The following MYT1 variants were observed in gnomAD, a reference collection of about 807,000 sequenced individuals.
MYT1 encodes myelin transcription factor 1, also known as myelin transcription factor I.
Under a neutral mutation model 123.0 loss-of-function variants are expected in MYT1, and 23 were observed. The observed-to-expected ratio is 0.19, with a 90% CI of 0.13 to 0.26. MYT1 has a LOEUF of 0.26. Ranked by LOEUF, MYT1 falls within the 10% of genes least tolerant of loss-of-function variation. The pLI, the probability that MYT1 is intolerant of heterozygous loss-of-function variation, is 1.00. For missense variants in MYT1, 1,125 were observed against 1,472.5 expected, an observed-to-expected ratio of 0.76 and a Z score of 3.86; for synonymous variants, 518 against 575.3, an observed-to-expected ratio of 0.90 and a Z score of 1.43.
chr20:64,236,307 G>T (rs1216286003), intron 19 of MYT1, among the ~76,000 whole-genome samples: 1 of 145,862 alleles, frequency 6.9e-6, no homozygotes, highest in South Asian at 2.2e-4. Flanking sequence ...GTGACCCTGG[G>T]ATGGCCGCGG....
At chr20:64,211,409 G>A (rs1983661311) in intron 8 of MYT1, 69 bp downstream of exon 8, 1 of 1,530,942 alleles carries the variant, frequency 6.5e-7, no homozygotes, top group East Asian at 2.3e-5. Context: ...TTTGGGTGGT[G>A]TCTATGGGGA....
chr20:64,239,174 A>G (rs540383910), intron 21 of MYT1, among the ~76,000 whole-genome samples: 1 of 152,336 alleles, frequency 6.6e-6, no homozygotes, highest in African/African-American at 2.4e-5. Context: ...GTTCACCGCC[A>G]TGGTGGGGAA....
At chr20:64,224,453 G>A (rs1014098529) in intron 16 of MYT1, among the ~76,000 whole-genome samples, 2 of 152,190 alleles carry the variant, frequency 1.3e-5, no homozygotes, top group African/African-American at 4.8e-5. Flanking sequence ...GTTCCCCTCT[G>A]GAGGCTGGTC....
rs546954340 is a variant in MYT1 at position 64,193,408 on chromosome 20, C to G, written c.-1+3248C>G. Reference sequence around the variant, plus strand: ...TGGGATACTCGGGAGGGGAGCAACACAAATGCTTGAATGCTGCTCTTAGAT... The same window carrying G: ...TGGGATACTCGGGAGGGGAGCAACAGAAATGCTTGAATGCTGCTCTTAGAT... On this transcript the variant is annotated intron_variant, in intron 2 of 22. Transcript: ENST00000328439. This position sits in a 1 kb window ranked among gnomAD's most constrained non-coding sequence, Gnocchi z 4.0. Among the ~76,000 whole-genome samples, 18 of 152,282 alleles carry G rather than the reference C, an allele frequency of 1.2e-4. No individual in the cohort carries two copies. The highest frequency in any genetic ancestry group is 4.3e-4 in the African/African-American group (18 of 41,568).
chr20:64,219,999 G>C lies in MYT1; in HGVS notation c.2241+17G>C. 6.9e-7 allele frequency: 1 copy of C among 1,451,304 alleles called. No homozygotes were observed. The highest frequency in any genetic ancestry group is 9.1e-7 in the Non-Finnish European group (1 of 1,099,074). 89.9% of individuals were successfully genotyped at this position (1,451,304 alleles called of 1,614,324 possible). ...CCTGAGGAGGTGGGTGCAGGCGCCT[G>C]GGCAAGCAGTCAGGCGGCTGCAGCC... On this transcript the variant is annotated intron_variant, in intron 13 of 22. Coordinates refer to ENST00000328439, the MANE Select transcript of MYT1 (RefSeq NM_004535.3).
In MYT1 at chr20:64,191,940, A is replaced by G. The variant is rs998438241; in HGVS notation, c.-1+1780A>G. The G allele has an allele frequency of 2.0e-5, 3 of 152,222 alleles. No individual in the cohort carries two copies. The highest frequency in any genetic ancestry group is 7.2e-5 in the African/African-American group (3 of 41,448). 9.4% of individuals were successfully genotyped at this position (152,222 alleles called of 1,614,324 possible). A position where few individuals can be genotyped will look rare whatever the true frequency, so the allele number is the denominator to read the frequency against. On this transcript the variant is annotated intron_variant, in intron 2 of 22. Coordinates refer to ENST00000328439, the MANE Select transcript of MYT1 (RefSeq NM_004535.3). The surrounding 1 kb of genome is among the most constrained non-coding windows in gnomAD (Gnocchi z 4.1). ...CCTACCCCAGATCCTGAGGATTCAC[A>G]TAGCGCTGTACTGGCATGAGATCAT...
rs972160714 is a variant in MYT1, at chr20:64,185,192, A to G, written c.-98-4871A>G. ...GTTGGGAAGAGTAGTTCAATATTCCAGAAGAATGGAGGGAAGAGTTGATAT... is the reference window on the plus strand; with the variant it reads ...GTTGGGAAGAGTAGTTCAATATTCCGGAAGAATGGAGGGAAGAGTTGATAT... On this transcript the variant is annotated intron_variant, in intron 1 of 22. Transcript: ENST00000328439. The surrounding 1 kb of genome is among the most constrained non-coding windows in gnomAD (Gnocchi z 4.5). 1.3e-5 allele frequency among the ~76,000 whole-genome samples: 2 copies of G among 152,198 alleles called. No homozygotes were observed. The highest frequency in any genetic ancestry group is 4.8e-5 in the African/African-American group (2 of 41,440).
rs914000519 is a variant in MYT1 at position 64,166,375 on chromosome 20, G to A, written c.-99+1636G>A. Among the ~76,000 whole-genome samples, 6 of 152,108 alleles carry A rather than the reference G, an allele frequency of 3.9e-5. No homozygotes were observed. Among genetic ancestry groups the A allele is most frequent in the African/African-American group, 1.2e-4 (5 of 41,428 alleles). ...ACTGAGACTCCTACAGGGTCCCCCC[G>A]ACCCCCTGGGCACCTGGACGTTTGC... is the stretch of plus-strand genomic sequence containing the variant. On this transcript the variant is annotated intron_variant, in intron 1 of 22. Coordinates refer to ENST00000328439, the MANE Select transcript of MYT1 (RefSeq NM_004535.3). The surrounding 1 kb of genome is among the most constrained non-coding windows in gnomAD (Gnocchi z 4.9).
rs978967927 is a variant in MYT1, at chr20:64,241,436, C to T, written c.*988C>T. The T allele has an allele frequency of 3.3e-5, 5 of 152,498 alleles. No individual in the cohort carries two copies. The highest frequency in any genetic ancestry group is 7.3e-5 in the Non-Finnish European group (5 of 68,038). 9.4% of individuals were successfully genotyped at this position (152,498 alleles called of 1,614,324 possible). ...TGTGTTAAAAACACAATGTCCCTACCGTGTAAATAGAATCCAAGTCAATTG... is the reference window on the plus strand; with the variant it reads ...TGTGTTAAAAACACAATGTCCCTACTGTGTAAATAGAATCCAAGTCAATTG... On this transcript the variant is annotated 3_prime_UTR_variant, in exon 23 of 23. Transcript: ENST00000328439. This position sits in a 1 kb window ranked among gnomAD's most constrained non-coding sequence, Gnocchi z 4.2.
In MYT1 at chr20:64,231,426, C is replaced by G. The variant is rs1984317447; in HGVS notation, c.2676-738C>G. The stretch of plus-strand genomic sequence containing the variant: ...CACTGAGCCCAAGGCATTTGCCAAT[C>G]TGAATTTATGTTATTTTCATAAGGG... On this transcript the variant is annotated intron_variant, in intron 18 of 22. Transcript: ENST00000328439. This position sits in a 1 kb window ranked among gnomAD's most constrained non-coding sequence, Gnocchi z 6.4. Among the ~76,000 whole-genome samples the G allele has an allele frequency of 6.6e-6, 1 of 152,172 alleles. No homozygotes were observed. Among genetic ancestry groups the G allele is most frequent in the Non-Finnish European group, 1.5e-5 (1 of 68,040 alleles).
intron 7 of MYT1, among the ~76,000 whole-genome samples, chr20:64,210,178 C>A (rs1407872058): frequency 1.3e-5 from 2 of 152,204 alleles, no homozygotes; most frequent in Non-Finnish European, 2.9e-5. Flanking sequence ...TAGGAGGACC[C>A]AGATGCAAGG....
chr20:64,199,919 T>A lies in MYT1; in HGVS notation c.83T>A (p.Leu28His). 1 of 1,614,138 alleles carries A rather than the reference T, an allele frequency of 6.2e-7. No individual in the cohort carries two copies. Among genetic ancestry groups the A allele is most frequent in the Non-Finnish European group, 8.5e-7 (1 of 1,179,966 alleles). Reference protein sequence around the residue: ...RGPPETTAADLSCPTPGCTGS... With the variant: ...RGPPETTAADHSCPTPGCTGS... Reference sequence around the variant, plus strand: ...CCCCCAGAGACCACAGCTGCAGACCTCAGGTAAGGAAGTCTTCCTGTTAGC... The same window carrying A: ...CCCCCAGAGACCACAGCTGCAGACCACAGGTAAGGAAGTCTTCCTGTTAGC... Residue 28 changes from leucine to histidine, a missense_variant, in exon 4 of 23, where the codon CTC becomes CAC. Transcript: ENST00000328439.
At position 64,227,428 on chromosome 20, in the gene MYT1, G is replaced by A. The variant is rs755397766; in HGVS notation, c.2542G>A (p.Gly848Ser). 6.2e-6 allele frequency: 10 copies of A among 1,612,736 alleles called. No individual in the cohort carries two copies. The Admixed American group carries it at 8.3e-5, about 13-fold the overall frequency. The change falls in exon 17 of 23, where the codon GGC becomes AGC. Residue 848 changes from glycine to serine, a missense_variant. This residue lies in a region of MYT1 where 47 missense variants were observed against 113.1 expected (regional missense o/e 0.42). Coordinates refer to ENST00000328439, the MANE Select transcript of MYT1 (RefSeq NM_004535.3). Reference protein sequence around the residue: ...HSADLKCPTPGCDGSGHITGN... With the variant: ...HSADLKCPTPSCDGSGHITGN... ...TTCCCTCTGCAGGTGCCCCACGCCC[G>A]GCTGTGACGGCTCTGGCCACATCAC...
In MYT1 at chr20:64,170,750, C is replaced by A. The variant is rs560594826; in HGVS notation, c.-99+6011C>A. Among the ~76,000 whole-genome samples, 4 of 149,116 alleles carry A rather than the reference C, an allele frequency of 2.7e-5. No individual in the cohort carries two copies. The South Asian group carries it at 8.6e-4, about 32-fold the overall frequency. ...CCACGAAGGCTGTGCCCAACCTTAG[C>A]CTCGGTGAGCCGTGACCCAGCCATG... On this transcript the variant is annotated intron_variant, in intron 1 of 22. Coordinates refer to ENST00000328439, the MANE Select transcript of MYT1 (RefSeq NM_004535.3).
At position 64,218,204 on chromosome 20, in the gene MYT1, G is replaced by A. The variant is rs1444644308; in HGVS notation, c.1847-707G>A. On this transcript the variant is annotated intron_variant, in intron 11 of 22. Coordinates refer to ENST00000328439, the MANE Select transcript of MYT1 (RefSeq NM_004535.3). The surrounding 1 kb of genome is among the most constrained non-coding windows in gnomAD (Gnocchi z 4.0). ...ATGAGGGAATGCAATGGTGCCAGTG[G>A]AGAGGGGGACCTCACGATAAGCTTT... is the stretch of plus-strand genomic sequence containing the variant. 6.6e-6 allele frequency among the ~76,000 whole-genome samples: 1 copy of A among 152,214 alleles called. No individual in the cohort carries two copies. Among genetic ancestry groups the A allele is most frequent in the Admixed American group, 6.5e-5 (1 of 15,288 alleles).
chr20:64,240,505 G>T lies in MYT1; in HGVS notation c.*57G>T. 1.3e-6 allele frequency: 2 copies of T among 1,551,674 alleles called. No individual in the cohort carries two copies. The highest frequency in any genetic ancestry group is 1.7e-6 in the Non-Finnish European group (2 of 1,150,522). On this transcript the variant is annotated 3_prime_UTR_variant, in exon 23 of 23. Coordinates refer to ENST00000328439, the MANE Select transcript of MYT1 (RefSeq NM_004535.3). ...CCACACCGTTTACCTCCCTCGCCCT[G>T]CCCCGCACCGTGGGGATGCCCAACT...
chr20:64,209,719 A>G (rs1427203250), intron 7 of MYT1, among the ~76,000 whole-genome samples: 1 of 152,184 alleles, frequency 6.6e-6, no homozygotes, highest in East Asian at 1.9e-4. Context: ...CCTGAGTGAG[A>G]CATAATTCAA....
At chr20:64,184,290 A>G (rs1982737387) in intron 1 of MYT1, among the ~76,000 whole-genome samples, 1 of 151,838 alleles carries the variant, frequency 6.6e-6, no homozygotes, top group Non-Finnish European at 1.5e-5. Context: ...TTACATTTAC[A>G]TATGTGATCC....
At chr20:64,234,413 C>A (rs1246983354) in intron 19 of MYT1, among the ~76,000 whole-genome samples, 1 of 152,232 alleles carries the variant, frequency 6.6e-6, no homozygotes, top group Non-Finnish European at 1.5e-5. Context: ...GAGTATCAGG[C>A]AGGGTCAGCT....
Sources: gnomAD v4.1 joint callset for allele counts (sites outside exome capture counted in the v4.1 genomes callset) on GRCh38, gnomAD v4.1.1 for gene constraint, gnomAD v4.1.1 regional missense constraint, Gnocchi (gnomAD v3.1) non-coding constraint, MANE v1.5 for transcripts, NCBI Gene and HGNC (gene_info 2026-07-23, HGNC 2026-07-21) for gene names.